Variants in TRPM5 observed in about 807,000 individuals in gnomAD.
The protein encoded by TRPM5 is transient receptor potential cation channel subfamily M member 5.
A neutral mutation model predicts 124.9 loss-of-function variants in TRPM5; 121 were observed. The observed-to-expected ratio is 0.97, with a 90% CI of 0.84 to 1.13. The LOEUF (loss-of-function observed/expected upper bound fraction) is 1.13. Among genes scored for constraint, TRPM5 ranks in the 50% most tolerant of loss-of-function variants. The pLI, the probability that TRPM5 is intolerant of heterozygous loss-of-function variation, is 0.00. For synonymous variants in TRPM5, 781 were observed against 700.5 expected (o/e 1.11, Z -1.81); for missense variants, 1,643 against 1,589.1 (o/e 1.03, Z -0.58).
At chr11:2,415,565 GGGATCCATCCC>G in intron 8 of TRPM5, 94 bp from the exon 14 acceptor site, 1 of 888,302 alleles carries the variant, frequency 1.1e-6, no homozygotes, top group Non-Finnish European at 1.7e-6. Flanking sequence ...AGGGAGCATG[GGGATCCATCCC>G]CAGGGCCAGG....
In TRPM5 at chr11:2,411,655, T is replaced by C; in HGVS notation, c.2587A>G (p.Ile863Val). The C allele has an allele frequency of 6.2e-7, 1 of 1,612,102 alleles. No individual in the cohort carries two copies. The highest frequency in any genetic ancestry group is 8.5e-7 in the Non-Finnish European group (1 of 1,179,742). Residue 863 changes from isoleucine (I) to valine (V), a missense_variant, in exon 17 of 24, where the codon ATC becomes GTC. By Grantham distance (29) the Ile-to-Val change is conservative. Coordinates refer to ENST00000155858, the Ensembl canonical transcript of TRPM5. ...CTCACCATGCGCTCTACCACGATGA[T>C]CTTGGGGCCCAGCTGCTTGTGTATG... is the stretch of plus-strand genomic sequence containing the variant.
rs776580181 is a variant in TRPM5, at chr11:2,413,020, G to T, written c.2097-8C>A. Reference sequence around the variant, plus strand: ...TCCACCAGCTCCTCCACCCTGTGCCGCAGAGAAGTTCGCAGTGGTGAGGCT... The same window carrying T: ...TCCACCAGCTCCTCCACCCTGTGCCTCAGAGAAGTTCGCAGTGGTGAGGCT... On this transcript the variant is annotated splice_polypyrimidine_tract_variant and splice_region_variant and intron_variant, in intron 14 of 23. Transcript: ENST00000155858. 6.3e-6 allele frequency: 10 copies of T among 1,598,068 alleles called. No homozygotes were observed. Among genetic ancestry groups the T allele is most frequent in the African/African-American group, 1.3e-5 (1 of 74,764 alleles).
At chr11:2,434,907 C>T in the TRPM5 span, among the ~76,000 whole-genome samples, 40 of 152,200 alleles carry the variant, frequency 2.6e-4, no homozygotes, top group Non-Finnish European at 5.9e-5. Context: ...TCCATGAACT[C>T]AACCATCCGA....
chr11:2,415,281 C>T lies in TRPM5; in HGVS notation c.1319G>A (p.Arg440Gln), dbSNP rs751198617. ...GGTGCCCAGGCCGGCCAGCGTCAGC[C>T]GGGCCTCCTCCTGCTTCCGCTGCAG... Residue 440 changes from arginine (R) to glutamine (Q), a missense_variant, in exon 9 of 24, where the codon CGG becomes CAG. Arg to Gln is a conservative substitution (Grantham distance 43). Coordinates refer to ENST00000155858, the Ensembl canonical transcript of TRPM5. 1.8e-5 allele frequency: 28 copies of T among 1,575,098 alleles called. No homozygotes were observed. In the East Asian group the frequency reaches 2.5e-4, roughly 14 times the overall value.
At chr11:2,422,102 G>A (rs1845781125) in intron 2 of TRPM5, 39 bp downstream of exon 7, 2 of 1,545,458 alleles carry the variant, frequency 1.3e-6, no homozygotes, top group African/African-American at 1.4e-5. Flanking sequence ...GGGCTGCCCT[G>A]TGGGGTGGGA....
intron 23 of TRPM5, among the ~76,000 whole-genome samples, chr11:2,405,268 G>A (rs1446622881): frequency 6.6e-6 from 1 of 152,232 alleles, no homozygotes. Context: ...CCGTTTGCTT[G>A]CTGAGCAGGA....
chr11:2,413,086 C>A (rs1589869669), intron 14 of TRPM5, 48 bp downstream of exon 19: 1 of 1,539,424 alleles, frequency 6.5e-7, no homozygotes, highest in South Asian at 1.2e-5. Flanking sequence ...AGCCTCCCAG[C>A]CACCACCCGC....
intron 15 of TRPM5, 41 bp downstream of exon 20, chr11:2,412,713 G>A: frequency 6.5e-7 from 1 of 1,528,838 alleles, no homozygotes; most frequent in South Asian, 1.3e-5. Flanking sequence ...CCAACCTGAA[G>A]CTGCAGAGTG....
At chr11:2,417,049 C>T (rs773098008) in intron 7 of TRPM5, among the ~76,000 whole-genome samples, 1 of 152,136 alleles carries the variant, frequency 6.6e-6, no homozygotes, top group Non-Finnish European at 1.5e-5. Flanking sequence ...TTCCCAGGGG[C>T]TGGGGGAAAT....
chr11:2,415,326 TTGCGTGACACGGAGCGGTAGAGCTCC>T lies in TRPM5; in HGVS notation c.1248_1273del (p.Leu418ProfsTer156). On this transcript the variant is annotated frameshift_variant, in exon 9 of 24. Coordinates refer to ENST00000155858, the Ensembl canonical transcript of TRPM5. LOFTEE classifies it high-confidence loss of function. ...CTGCAGCAGGTCGAAGAGCAGGCTC[TTGCGTGACACGGAGCGGTAGAGCTCC>T]TGCAGCCGCCCATACGTCAGGAAGT... The T allele has an allele frequency of 6.3e-7, 1 of 1,585,576 alleles. No individual in the cohort carries two copies. The highest frequency in any genetic ancestry group is 8.5e-7 in the Non-Finnish European group (1 of 1,173,398).
At position 2,407,306 on chromosome 11, in the gene TRPM5, G is replaced by A. The variant is rs1192783903; in HGVS notation, c.2937-6C>T. The stretch of plus-strand genomic sequence containing the variant: ...GCACCACCTGGAACGTGTAGCTGCA[G>A]GGGCACAGCTGAGCCGTCACCTACC... On this transcript the variant is annotated splice_polypyrimidine_tract_variant and splice_region_variant and intron_variant, in intron 19 of 23. Coordinates refer to ENST00000155858, the Ensembl canonical transcript of TRPM5. The A allele has an allele frequency of 6.2e-7, 1 of 1,606,130 alleles. No homozygotes were observed. Among genetic ancestry groups the A allele is most frequent in the Non-Finnish European group, 8.5e-7 (1 of 1,177,656 alleles).
the TRPM5 span, among the ~76,000 whole-genome samples, chr11:2,441,199 G>T: frequency 6.6e-6 from 1 of 152,192 alleles, no homozygotes; most frequent in Non-Finnish European, 1.5e-5. This position sits in a 1 kb window ranked among gnomAD's most constrained non-coding sequence, Gnocchi z 7.2. Flanking sequence ...TGCACCCACC[G>T]GAATGATAGA....
At chr11:2,436,446 C>T in the TRPM5 span, among the ~76,000 whole-genome samples, 1 of 152,256 alleles carries the variant, frequency 6.6e-6, no homozygotes, top group African/African-American at 2.4e-5. Context: ...GTGGCTAGGA[C>T]AGCCACCACC....
intron 6 of TRPM5, 42 bp from the exon 12 acceptor site, chr11:2,417,871 G>C (rs894125723): frequency 9.2e-6 from 14 of 1,523,450 alleles, no homozygotes; most frequent in Admixed American, 3.9e-5. Flanking sequence ...GCCTCAGCCA[G>C]GACGGGGGCA....
chr11:2,418,713 T>C (rs182375398), intron 4 of TRPM5, 122 bp from the exon 10 acceptor site: 32 of 999,150 alleles, frequency 3.2e-5, no homozygotes, highest in Non-Finnish European at 4.2e-5. Context: ...AAGTGTGGGC[T>C]TCGTCTGGGC....
At chr11:2,443,827 C>G in the TRPM5 span, among the ~76,000 whole-genome samples, 3 of 146,984 alleles carry the variant, frequency 2.0e-5, no homozygotes, top group African/African-American at 5.2e-5. This position sits in a 1 kb window ranked among gnomAD's most constrained non-coding sequence, Gnocchi z 5.0. Context: ...CCCCCCACCC[C>G]CCCCCCAAGC....
At chr11:2,440,584 G>T in the TRPM5 span, among the ~76,000 whole-genome samples, 3 of 152,096 alleles carry the variant, frequency 2.0e-5, no homozygotes, top group Non-Finnish European at 4.4e-5. This position sits in a 1 kb window ranked among gnomAD's most constrained non-coding sequence, Gnocchi z 5.2. Flanking sequence ...GGTCTCTGTG[G>T]AGACGCCCCT....
upstream of TRPM5, among the ~76,000 whole-genome samples, chr11:2,427,306 T>G (rs1051826961): frequency 6.6e-6 from 1 of 152,162 alleles, no homozygotes; most frequent in Admixed American, 6.5e-5. Flanking sequence ...CTGTCAGCGG[T>G]GTGAGGGTCC....
chr11:2,414,015 C>CCCCCCCCCCCCCCCCCCCCCA, intron 12 of TRPM5, 46 bp downstream of exon 17: 1 of 752,952 alleles, frequency 1.3e-6, no homozygotes, highest in Non-Finnish European at 2.1e-6. Context: ...GCTCGCCCGC[C>CCCCCCCCCCCCCCCCCCCCCA]CACCCCACCC....
Sources: allele counts gnomAD v4.1 joint callset (sites outside exome capture counted in the v4.1 genomes callset), GRCh38; gene constraint gnomAD v4.1.1; non-coding constraint Gnocchi (gnomAD v3.1); transcripts MANE v1.5; gene names NCBI Gene and HGNC (gene_info 2026-07-23, HGNC 2026-07-21).